The following DNAH14 variants were observed in gnomAD, a reference collection of about 807,000 sequenced individuals.
DNAH14 encodes dynein axonemal heavy chain 14, also known as axonemal beta dynein heavy chain 14.
In DNAH14, 478 loss-of-function variants were observed where a neutral mutation model predicts 520.9. The ratio of observed to expected loss-of-function variants is 0.92; its 90% CI spans 0.85 to 0.99. The LOEUF is 0.99. Ranked by LOEUF, DNAH14 falls within the 50% of genes least tolerant of loss-of-function variation. The probability of loss-of-function intolerance (pLI) is 0.00; values close to 1 mark genes in which losing one functional copy is unlikely to be tolerated. For missense variants in DNAH14, 4,831 were observed against 5,234.5 expected, an observed-to-expected ratio of 0.92 and a Z score of 2.38; for synonymous variants, 1,581 against 1,757.2, an observed-to-expected ratio of 0.90 and a Z score of 2.51.
chr1:225,206,225 T>G, intron 40 of DNAH14, 46 bp downstream of exon 40: 1 of 1,451,694 alleles, frequency 6.9e-7, no homozygotes, highest in Non-Finnish European at 9.3e-7. Flanking sequence ...AAATGTTGTT[T>G]ATGATAGTAA....
intron 1 of DNAH14, among the ~76,000 whole-genome samples, chr1:224,943,272 T>G (rs375409493): frequency 6.6e-6 from 1 of 152,186 alleles, no homozygotes; most frequent in Non-Finnish European, 1.5e-5. Context: ...TTCTTCTAGT[T>G]TATTTGCGTA....
chr1:225,127,121 C>T (rs1559040643), intron 27 of DNAH14, among the ~76,000 whole-genome samples: 1 of 152,152 alleles, frequency 6.6e-6, no homozygotes, highest in East Asian at 1.9e-4. Flanking sequence ...GAGAGCTTTA[C>T]TTCCAACTAT....
At chr1:225,023,963 G>C (rs747796766) in intron 11 of DNAH14, 98 bp downstream of exon 11, 22 of 1,438,098 alleles carry the variant, frequency 1.5e-5, no homozygotes, top group Non-Finnish European at 1.9e-5. Flanking sequence ...GCTAGAGTTT[G>C]AAAATTCTCC....
At chr1:225,057,648 T>C (rs1215241102) in intron 17 of DNAH14, among the ~76,000 whole-genome samples, 4 of 152,214 alleles carry the variant, frequency 2.6e-5, no homozygotes, top group Non-Finnish European at 5.9e-5. Flanking sequence ...CCATTCAGTA[T>C]GATATTGGCT....
chr1:225,104,269 C>A (rs2075809213), intron 23 of DNAH14, among the ~76,000 whole-genome samples: 1 of 152,182 alleles, frequency 6.6e-6, no homozygotes, highest in Non-Finnish European at 1.5e-5. Flanking sequence ...TTTTGATGTG[C>A]TGCTGGATTC....
At chr1:225,139,931 C>T (rs1274699937) in intron 27 of DNAH14, among the ~76,000 whole-genome samples, 1 of 152,188 alleles carries the variant, frequency 6.6e-6, no homozygotes, top group Admixed American at 6.5e-5. Context: ...CATGAGCTTG[C>T]AACATCCTTT....
chr1:225,025,077 C>G (rs1311692412), intron 11 of DNAH14, among the ~76,000 whole-genome samples: 2 of 152,086 alleles, frequency 1.3e-5, no homozygotes, highest in Non-Finnish European at 2.9e-5. Context: ...GTGGCTCACA[C>G]CTGTAATCAC....
At chr1:225,280,742 C>G (rs2093610190) in intron 54 of DNAH14, among the ~76,000 whole-genome samples, 2 of 151,968 alleles carry the variant, frequency 1.3e-5, no homozygotes, top group South Asian at 4.1e-4. Context: ...ATGAAGGCAG[C>G]AAGAGAAAAA....
intron 3 of DNAH14, among the ~76,000 whole-genome samples, chr1:224,958,632 A>C (rs566070817): frequency 1.3e-5 from 2 of 152,114 alleles, no homozygotes; most frequent in Admixed American, 1.3e-4. Flanking sequence ...AGAATTAAAC[A>C]AGCTGAGAGG....
At chr1:224,952,819 T>A in intron 2 of DNAH14, 40 bp downstream of exon 2, 1 of 1,480,666 alleles carries the variant, frequency 6.8e-7, no homozygotes, top group Non-Finnish European at 9.1e-7. Flanking sequence ...TTTTCTAAAG[T>A]AAGATTTCAG....
At chr1:224,939,260 A>G (rs111672817) in intron 1 of DNAH14, among the ~76,000 whole-genome samples, 6,353 of 152,318 alleles carry the variant, frequency 0.042, 217 homozygotes, top group Non-Finnish European at 0.061. Context: ...TAAACAATAC[A>G]CTTTTAGTCT....
intron 49 of DNAH14, among the ~76,000 whole-genome samples, chr1:225,267,212 A>G (rs916862294): frequency 1.3e-5 from 2 of 152,054 alleles, no homozygotes; most frequent in African/African-American, 2.4e-5. Context: ...TTTAAGGAAT[A>G]TCACAGTCAA....
intron 15 of DNAH14, among the ~76,000 whole-genome samples, chr1:225,047,221 C>G (rs983757469): frequency 1.1e-4 from 16 of 152,076 alleles, no homozygotes; most frequent in Admixed American, 2.6e-4. Flanking sequence ...TACCTCAGAC[C>G]CCAATCCAAT....
At chr1:224,971,745 T>G (rs1237169801) in intron 7 of DNAH14, among the ~76,000 whole-genome samples, 1 of 152,064 alleles carries the variant, frequency 6.6e-6, no homozygotes, top group African/African-American at 2.4e-5. Flanking sequence ...AGGAACAAGT[T>G]TAGTATGGAT....
chr1:225,289,779 G>A (rs1461449428), intron 54 of DNAH14, 106 bp from the exon 55 acceptor site: 4 of 691,240 alleles, frequency 5.8e-6, no homozygotes, highest in South Asian at 6.7e-5. Context: ...AATAGTCTGG[G>A]GTATTTTTAC....
rs1331528971 is a variant in DNAH14 at position 224,968,780 on chromosome 1, G to A, written c.673G>A (p.Val225Ile). 1 of 1,521,724 alleles carries A rather than the reference G, an allele frequency of 6.6e-7. No homozygotes were observed. The highest frequency in any genetic ancestry group is 2.2e-5 in the Admixed American group (1 of 46,022). 94.3% of individuals were successfully genotyped at this position (1,521,724 alleles called of 1,614,324 possible). The change falls in exon 7 of 86, where the codon GTA becomes ATA. Residue 225 changes from valine (V) to isoleucine (I), a missense_variant. Transcript: ENST00000682510. ...ISKVINIVGS[V>I]KEVELIPTLE... is the part of the protein sequence containing the mutation. Reference sequence around the variant, plus strand: ...GTAGGTTATTAATATAGTTGGTAGTGTAAAGGAAGTAGAACTCATACCTAC... The same window carrying A: ...GTAGGTTATTAATATAGTTGGTAGTATAAAGGAAGTAGAACTCATACCTAC...
intron 17 of DNAH14, among the ~76,000 whole-genome samples, chr1:225,070,103 C>G (rs1484098733): frequency 6.6e-6 from 1 of 151,982 alleles, no homozygotes; most frequent in African/African-American, 2.4e-5. Flanking sequence ...CCCTTTTCTA[C>G]TTTATTCGTC....
intron 39 of DNAH14, 136 bp from the exon 40 acceptor site, chr1:225,205,835 C>T (rs777165645): frequency 2.9e-5 from 19 of 661,540 alleles, no homozygotes; most frequent in Non-Finnish European, 4.1e-5. Flanking sequence ...TACATATAAA[C>T]ACATTCACTC....
At chr1:225,081,011 C>T (rs935629971) in intron 19 of DNAH14, among the ~76,000 whole-genome samples, 9 of 152,292 alleles carry the variant, frequency 5.9e-5, no homozygotes, top group Non-Finnish European at 4.4e-5. Flanking sequence ...GCTACCTCAC[C>T]CTGAGTATGG....
Sources: allele counts gnomAD v4.1 joint callset (sites outside exome capture counted in the v4.1 genomes callset), GRCh38; gene constraint gnomAD v4.1.1; transcripts MANE v1.5; gene names NCBI Gene and HGNC (gene_info 2026-07-23, HGNC 2026-07-21).